The following PARD3 variants were observed in gnomAD, a reference collection of about 807,000 sequenced individuals.
PARD3 encodes par-3 family cell polarity regulator.
PARD3 carries 75 observed loss-of-function variants against 155.4 expected under a neutral mutation model. The ratio of observed to expected loss-of-function variants is 0.48; its 90% CI spans 0.40 to 0.58. The LOEUF (loss-of-function observed/expected upper bound fraction) is 0.58, where lower values mean the gene tolerates loss of function less well. Among genes scored for constraint, PARD3 ranks in the 20% least tolerant of loss-of-function variants. The pLI, the probability that PARD3 is intolerant of heterozygous loss-of-function variation, is 0.00. For missense variants in PARD3, 1,642 were observed against 1,721.7 expected (o/e 0.95, Z 0.82); for synonymous variants, 576 against 610.5 (o/e 0.94, Z 0.83).
At chr10:34,748,052 T>C (rs1404263692) in intron 1 of PARD3, among the ~76,000 whole-genome samples, 1 of 152,196 alleles carries the variant, frequency 6.6e-6, no homozygotes, top group African/African-American at 2.4e-5. Flanking sequence ...ACAAGCCACT[T>C]TGCTGTCCGG....
Position 34,523,031 on chromosome 10 carries a change from C to T in PARD3, c.223-5872G>A, listed in dbSNP as rs529675651. ...TGATTAATCAAACGTAATAACCTGC[C>T]TTTACCAAATTAATGCAATTTTGAT... On this transcript the variant is annotated intron_variant, in intron 2 of 24. Coordinates refer to ENST00000374788, the MANE Select transcript of PARD3 (RefSeq NM_001184785.2). Among the ~76,000 whole-genome samples, 17 of 152,274 alleles carry T rather than the reference C, an allele frequency of 1.1e-4. No homozygotes were observed. In the South Asian group the frequency reaches 1.7e-3, roughly 15 times the overall value.
intron 2 of PARD3, among the ~76,000 whole-genome samples, chr10:34,542,202 GGTGTGTGTGTGTGTGTGT>G (rs1186576618): frequency 1.5e-5 from 1 of 65,704 alleles, no homozygotes; most frequent in South Asian, 7.0e-4. Context: ...GGTTGTTTGG[GGTGTGTGTGTGTGTGTGT>G]GTGTGTGTGT....
At chr10:34,346,444 A>G in intron 15 of PARD3, 2 of 1,348,644 alleles carry the variant, frequency 1.5e-6, no homozygotes, top group Non-Finnish European at 2.0e-6. Context: ...GGCAAGTCCT[A>G]TGTTCCTATA....
chr10:34,753,714 G>GACAT (rs2133967411), intron 1 of PARD3, among the ~76,000 whole-genome samples: 1 of 152,296 alleles, frequency 6.6e-6, no homozygotes, highest in Non-Finnish European at 1.5e-5. Flanking sequence ...AATCCAAGAG[G>GACAT]ACATAGGTTT....
chr10:34,343,886 A>G lies in PARD3; in HGVS notation c.2219-2070T>C, dbSNP rs1042495369. ...TGAAATACAAAATGTTTGTTTACTA[A>G]ACATTTATTCATTGGCAAATTTACA... is the stretch of plus-strand genomic sequence containing the variant. On this transcript the variant is annotated intron_variant, in intron 15 of 24. Transcript: ENST00000374788. The G allele has an allele frequency of 1.0e-5, 10 of 983,584 alleles. No homozygotes were observed. In the Admixed American group the frequency reaches 4.3e-4, roughly 42 times the overall value. 60.9% of individuals were successfully genotyped at this position (983,584 alleles called of 1,614,324 possible). A position where few individuals can be genotyped will look rare whatever the true frequency, so the allele number is the denominator to read the frequency against.
intron 2 of PARD3, among the ~76,000 whole-genome samples, chr10:34,640,481 G>A (rs886583735): frequency 2.0e-5 from 3 of 151,560 alleles, no homozygotes; most frequent in Non-Finnish European, 4.4e-5. Context: ...GCTGGGCGTG[G>A]TGGCATGCAC....
chr10:34,665,084 CA>C (rs2093417774), intron 2 of PARD3, among the ~76,000 whole-genome samples: 1 of 151,880 alleles, frequency 6.6e-6, no homozygotes, highest in Admixed American at 6.6e-5. Context: ...ACCACAATTA[CA>C]AAGTTTTTTT....
chr10:34,247,109 A>G (rs1470210917), intron 22 of PARD3, among the ~76,000 whole-genome samples: 1 of 152,206 alleles, frequency 6.6e-6, no homozygotes, highest in Non-Finnish European at 1.5e-5. Flanking sequence ...CCAAGCCCTC[A>G]GTAATACAAA....
At chr10:34,698,930 A>G (rs1470106348) in intron 1 of PARD3, among the ~76,000 whole-genome samples, 2 of 152,084 alleles carry the variant, frequency 1.3e-5, no homozygotes, top group Non-Finnish European at 2.9e-5. Flanking sequence ...TTCCTCCCAT[A>G]ACCCCATTCC....
At chr10:34,624,100 GT>G (rs2091857097) in intron 2 of PARD3, among the ~76,000 whole-genome samples, 1 of 152,162 alleles carries the variant, frequency 6.6e-6, no homozygotes, top group South Asian at 2.1e-4. Flanking sequence ...ATTCCACATG[GT>G]TTTTTGTTGA....
intron 22 of PARD3, among the ~76,000 whole-genome samples, chr10:34,160,601 A>C (rs1949226509): frequency 6.6e-6 from 1 of 152,240 alleles, no homozygotes; most frequent in South Asian, 2.1e-4. Flanking sequence ...TCTTGCATTA[A>C]ACAAGATGCA....
At chr10:34,352,999 C>T (rs1420496365) in intron 14 of PARD3, among the ~76,000 whole-genome samples, 1 of 128,898 alleles carries the variant, frequency 7.8e-6, no homozygotes, top group Non-Finnish European at 1.9e-5. Context: ...GGACCGCCAC[C>T]CCGTCTGGGA....
At chr10:34,579,139 G>T (rs149896766) in intron 2 of PARD3, among the ~76,000 whole-genome samples, 2 of 151,992 alleles carry the variant, frequency 1.3e-5, no homozygotes, top group African/African-American at 4.8e-5. Flanking sequence ...GCATGGTGGC[G>T]TGCGCCTGTA....
At chr10:34,630,974 C>A (rs999867512) in intron 2 of PARD3, among the ~76,000 whole-genome samples, 1 of 152,002 alleles carries the variant, frequency 6.6e-6, no homozygotes, top group African/African-American at 2.4e-5. Flanking sequence ...GCCACCACGC[C>A]TGGATAACTG....
At position 34,269,710 on chromosome 10, in the gene PARD3, AG is replaced by A; in HGVS notation, c.3365del (p.Ala1122ValfsTer17). On this transcript the variant is annotated frameshift_variant, in exon 22 of 25. Coordinates refer to ENST00000374788, the MANE Select transcript of PARD3 (RefSeq NM_001184785.2). LOFTEE classifies it high-confidence loss of function. ...QSPREGHMMD[A>X]LYAQVKKPRN... ...GCGGCTTCTTGACTTGGGCATACAA[AG>A]CATCCATCATATGCCCTTCTCGTGG... is the stretch of plus-strand genomic sequence containing the variant. The A allele has an allele frequency of 1.2e-6, 2 of 1,614,048 alleles. No homozygotes were observed. Among genetic ancestry groups the A allele is most frequent in the Non-Finnish European group, 1.7e-6 (2 of 1,179,970 alleles).
At chr10:34,154,654 C>G (rs988292842) in intron 22 of PARD3, among the ~76,000 whole-genome samples, 2 of 152,156 alleles carry the variant, frequency 1.3e-5, no homozygotes, top group Non-Finnish European at 2.9e-5. Context: ...TCTCCCCAGA[C>G]AGTGCCCTCA....
intron 1 of PARD3, among the ~76,000 whole-genome samples, chr10:34,715,243 C>T (rs11009886): frequency 0.25 from 37,520 of 151,770 alleles, 5,542 homozygotes; most frequent in East Asian, 0.5. Flanking sequence ...ACGCCCAGCA[C>T]ATTTTTAAAT....
chr10:34,573,521 G>C (rs2134176159), intron 2 of PARD3, among the ~76,000 whole-genome samples: 1 of 152,238 alleles, frequency 6.6e-6, no homozygotes, highest in South Asian at 2.1e-4. Flanking sequence ...GGGCAACATG[G>C]TAAAACACCA....
chr10:34,572,406 A>C (rs1213448238), intron 2 of PARD3, among the ~76,000 whole-genome samples: 1 of 152,160 alleles, frequency 6.6e-6, no homozygotes, highest in Non-Finnish European at 1.5e-5. Flanking sequence ...TGGGAGGCCG[A>C]GGCAAGCGGA....
Sources: gnomAD v4.1 joint callset for allele counts (sites outside exome capture counted in the v4.1 genomes callset) on GRCh38, gnomAD v4.1.1 for gene constraint, MANE v1.5 for transcripts, NCBI Gene and HGNC (gene_info 2026-07-23, HGNC 2026-07-21) for gene names.